The following CSMD1 variants were observed in gnomAD, a reference collection of about 807,000 sequenced individuals.
The protein encoded by CSMD1 is CUB and Sushi multiple domains 1.
CSMD1 carries 213 observed loss-of-function variants against 417.5 expected under a neutral mutation model. The ratio of observed to expected loss-of-function variants is 0.51; its 90% CI spans 0.46 to 0.57. The LOEUF (loss-of-function observed/expected upper bound fraction) is 0.57. Among genes scored for constraint, CSMD1 ranks in the 20% least tolerant of loss-of-function variants. CSMD1 has a pLI of 0.00. For synonymous variants in CSMD1, 2,862 were observed against 1,736.8 expected, an observed-to-expected ratio of 1.65 and a Z score of -16.11; for missense variants, 6,923 against 4,529.7, an observed-to-expected ratio of 1.53 and a Z score of -15.17.
chr8:4,746,872 T>C (rs144591889), intron 1 of CSMD1, among the ~76,000 whole-genome samples: 119 of 152,328 alleles, frequency 7.8e-4, no homozygotes, highest in African/African-American at 2.7e-3. Flanking sequence ...ACAACATTCT[T>C]TAAAAGCATA....
chr8:3,819,320 G>C (rs1370185451), intron 5 of CSMD1, among the ~76,000 whole-genome samples: 1 of 152,136 alleles, frequency 6.6e-6, no homozygotes, highest in Non-Finnish European at 1.5e-5. Context: ...GAAGAGATGA[G>C]AGAGTGACAG....
At chr8:4,882,122 G>C (rs1803443918) in intron 1 of CSMD1, among the ~76,000 whole-genome samples, 3 of 152,030 alleles carry the variant, frequency 2.0e-5, no homozygotes, top group South Asian at 4.1e-4. Context: ...AAATAAACTA[G>C]AGTAGGCTGA....
intron 23 of CSMD1, among the ~76,000 whole-genome samples, chr8:3,313,554 A>G (rs986169468): frequency 6.6e-6 from 1 of 152,230 alleles, no homozygotes; most frequent in African/African-American, 2.4e-5. Context: ...AATCAAAACC[A>G]CAATAAGATA....
chr8:4,052,251 G>A (rs1462142482), intron 3 of CSMD1, among the ~76,000 whole-genome samples: 1 of 152,130 alleles, frequency 6.6e-6, no homozygotes, highest in African/African-American at 2.4e-5. Flanking sequence ...TGAGAGGGTG[G>A]GAGTCCAGAC....
chr8:3,864,358 G>A (rs1453930280), intron 5 of CSMD1, among the ~76,000 whole-genome samples: 2 of 111,626 alleles, frequency 1.8e-5, no homozygotes, highest in African/African-American at 5.9e-5. Flanking sequence ...GATAACCACA[G>A]AAGGGGCAGG....
Position 3,223,725 on chromosome 8 carries a change from G to A in CSMD1, c.4484+4C>T, listed in dbSNP as rs910409170. The A allele has an allele frequency of 3.1e-6, 5 of 1,613,556 alleles. No individual in the cohort carries two copies. In the African/African-American group the frequency reaches 5.3e-5, roughly 17 times the overall value. The stretch of plus-strand genomic sequence containing the variant: ...AAAAAGAGGTATTCTGCAAGAGACG[G>A]TACCTTTTGAATATCAAGGCGATGA... On this transcript the variant is annotated splice_donor_region_variant and intron_variant, in intron 28 of 69. Coordinates refer to ENST00000635120, the MANE Select transcript of CSMD1 (RefSeq NM_033225.6).
intron 5 of CSMD1, among the ~76,000 whole-genome samples, chr8:3,909,979 G>A (rs753201532): frequency 1.4e-4 from 22 of 151,976 alleles, no homozygotes; most frequent in African/African-American, 4.4e-4. Flanking sequence ...ACACTTGGGA[G>A]TAACTAGAAT....
At chr8:4,849,802 G>A (rs546910366) in intron 1 of CSMD1, among the ~76,000 whole-genome samples, 31 of 152,266 alleles carry the variant, frequency 2.0e-4, no homozygotes, top group African/African-American at 6.7e-4. Context: ...ATACATTGAT[G>A]AAATTGCCTA....
At chr8:3,265,995 T>G (rs183599606) in intron 26 of CSMD1, among the ~76,000 whole-genome samples, 1 of 152,082 alleles carries the variant, frequency 6.6e-6, no homozygotes, top group Admixed American at 6.6e-5. Context: ...TCAAATGAAC[T>G]TATCTAATTG....
At chr8:3,386,428 A>G (rs1563334719) in intron 18 of CSMD1, among the ~76,000 whole-genome samples, 1 of 152,210 alleles carries the variant, frequency 6.6e-6, no homozygotes, top group African/African-American at 2.4e-5. Context: ...GGGCTCCAGC[A>G]GCTCTGTGCT....
At chr8:3,343,596 C>G (rs1005797868) in intron 22 of CSMD1, 146 bp from the exon 23 acceptor site, 4 of 676,292 alleles carry the variant, frequency 5.9e-6, no homozygotes, top group African/African-American at 5.5e-5. Flanking sequence ...AAATGAAGGA[C>G]TTAGAGCTAA....
At chr8:4,105,394 T>A (rs1320986881) in intron 3 of CSMD1, among the ~76,000 whole-genome samples, 1 of 152,170 alleles carries the variant, frequency 6.6e-6, no homozygotes, top group Non-Finnish European at 1.5e-5. Context: ...AGAAGGTGTT[T>A]ATAGAAAAGT....
At chr8:4,069,797 A>C (rs1466578038) in intron 3 of CSMD1, among the ~76,000 whole-genome samples, 1 of 152,174 alleles carries the variant, frequency 6.6e-6, no homozygotes, top group African/African-American at 2.4e-5. Context: ...TTAAACACGT[A>C]ATTACTCGAC....
At chr8:4,779,211 A>C (rs4270985) in intron 1 of CSMD1, among the ~76,000 whole-genome samples, 1 of 152,176 alleles carries the variant, frequency 6.6e-6, no homozygotes, top group East Asian at 1.9e-4. Flanking sequence ...GGTCTGATTA[A>C]TATTGTTATG....
chr8:4,930,789 A>C (rs1229672097), intron 1 of CSMD1, among the ~76,000 whole-genome samples: 2 of 152,210 alleles, frequency 1.3e-5, no homozygotes, highest in East Asian at 1.9e-4. Flanking sequence ...AAGGAAAGCA[A>C]TTTCAGCTGT....
intron 1 of CSMD1, among the ~76,000 whole-genome samples, chr8:4,683,019 A>G (rs1660940167): frequency 6.9e-6 from 1 of 145,260 alleles, no homozygotes; most frequent in East Asian, 2.0e-4. Context: ...CATCCAAATT[A>G]TCTCACTTCT....
rs547233238 is a variant in CSMD1 at position 4,569,863 on chromosome 8, T to C, written c.302+67479A>G. 4.5e-4 allele frequency among the ~76,000 whole-genome samples: 68 copies of C among 152,344 alleles called. 1 individual carries two copies. Among genetic ancestry groups the C allele is most frequent in the African/African-American group, 1.6e-3 (67 of 41,590 alleles). On this transcript the variant is annotated intron_variant, in intron 2 of 69. Transcript: ENST00000635120. ...TCCTTGAAGAAGTCCTTCACATCAC[T>C]TGTAAGTTGTATTCCTAGATATTTT...
chr8:3,175,150 G>C (rs1018558160), intron 37 of CSMD1, among the ~76,000 whole-genome samples: 1 of 152,030 alleles, frequency 6.6e-6, no homozygotes, highest in Non-Finnish European at 1.5e-5. Context: ...AGTTTATAAC[G>C]ATAAAATCAT....
intron 1 of CSMD1, among the ~76,000 whole-genome samples, chr8:4,716,437 T>G (rs1027676944): frequency 1.3e-5 from 2 of 152,220 alleles, no homozygotes; most frequent in African/African-American, 2.4e-5. Flanking sequence ...ACATCAAGAT[T>G]AATATCTGAA....
Sources: gnomAD v4.1 joint callset for allele counts (sites outside exome capture counted in the v4.1 genomes callset) on GRCh38, gnomAD v4.1.1 for gene constraint, MANE v1.5 for transcripts, NCBI Gene and HGNC (gene_info 2026-07-23, HGNC 2026-07-21) for gene names.